ITGB4: variants seen among roughly 807,000 people sequenced by gnomAD.
ITGB4 encodes the protein integrin subunit beta 4, also known as integrin beta-4.
A neutral mutation model predicts 207.6 loss-of-function variants in ITGB4; 159 were observed. The ratio of observed to expected loss-of-function variants is 0.77; its 90% CI spans 0.67 to 0.87. ITGB4 has a LOEUF of 0.87. Among genes scored for constraint, ITGB4 ranks in the 40% least tolerant of loss-of-function variants. The pLI is 0.00. For missense variants in ITGB4, 2,278 were observed against 2,546.8 expected (o/e 0.89, Z 2.27); for synonymous variants, 1,020 against 1,062.7 (o/e 0.96, Z 0.78).
chr17:75,745,551 T>C (rs2061214404), intron 26 of ITGB4, among the ~76,000 whole-genome samples: 1 of 151,800 alleles, frequency 6.6e-6, no homozygotes, highest in Non-Finnish European at 1.5e-5. Flanking sequence ...TTGGGCAACA[T>C]AGTAAGACCC....
At chr17:75,733,733 G>A (rs1391046454) in intron 13 of ITGB4, 41 bp downstream of exon 13, 1 of 1,591,156 alleles carries the variant, frequency 6.3e-7, no homozygotes, top group Admixed American at 1.7e-5. Context: ...GGCGGGGTAG[G>A]GAGTGGACAG....
rs997827321 is a variant in ITGB4 at position 75,725,191 on chromosome 17, G to T, written c.79+409G>T. 3.5e-4 allele frequency among the ~76,000 whole-genome samples: 54 copies of T among 152,234 alleles called. 1 individual carries two copies. Among genetic ancestry groups the T allele is most frequent in the Admixed American group, 2.6e-4 (4 of 15,284 alleles). On this transcript the variant is annotated intron_variant, in intron 2 of 39. Coordinates refer to ENST00000200181, the MANE Select transcript of ITGB4 (RefSeq NM_000213.5). ...AGCCAGCTCCTACCACTTGAATTTT[G>T]TCTGTTAGAGGGGGTCCTGCTGGTG...
In ITGB4 at chr17:75,739,587, T is replaced by C; in HGVS notation, c.2221-85T>C. ...GAGGCACTGTCACCCCTCTTGACCA[T>C]TGGCATGGGGCGGGGTGGCTGGAAG... On this transcript the variant is annotated intron_variant, in intron 18 of 39. Transcript: ENST00000200181. This position sits in a 1 kb window ranked among gnomAD's most constrained non-coding sequence, Gnocchi z 5.4. The C allele has an allele frequency of 4.0e-6, 6 of 1,490,988 alleles. No homozygotes were observed. Among genetic ancestry groups the C allele is most frequent in the Non-Finnish European group, 4.7e-6 (5 of 1,069,778 alleles). The allele number at this position is 1,490,988 out of a possible 1,614,324, so 92.4% of individuals were successfully genotyped here.
Position 75,729,485 on chromosome 17 carries a change from C to G in ITGB4, c.738+49C>G, listed in dbSNP as rs761827608. 6.3e-7 allele frequency: 1 copy of G among 1,592,288 alleles called. No homozygotes were observed. Among genetic ancestry groups the G allele is most frequent in the African/African-American group, 1.3e-5 (1 of 74,494 alleles). On this transcript the variant is annotated intron_variant, in intron 7 of 39. Coordinates refer to ENST00000200181, the MANE Select transcript of ITGB4 (RefSeq NM_000213.5). The surrounding 1 kb of genome is among the most constrained non-coding windows in gnomAD (Gnocchi z 4.4). ...CAGCCTAGGCCAGGGGTGAGCACTT[C>G]TGGGCAAGGGCCTGAGCTGCCCCCT...
At chr17:75,756,393 A>C in intron 35 of ITGB4, 36 bp from the exon 36 acceptor site, 3 of 1,609,870 alleles carry the variant, frequency 1.9e-6, no homozygotes, top group Non-Finnish European at 2.5e-6. Context: ...TGGGAGTAAC[A>C]CTGCACTACT....
At position 75,729,446 on chromosome 17, in the gene ITGB4, G is replaced by T; in HGVS notation, c.738+10G>T. 1 of 1,613,290 alleles carries T rather than the reference G, an allele frequency of 6.2e-7. No individual in the cohort carries two copies. Among genetic ancestry groups the T allele is most frequent in the East Asian group, 2.2e-5 (1 of 44,856 alleles). On this transcript the variant is annotated intron_variant, in intron 7 of 39. Coordinates refer to ENST00000200181, the MANE Select transcript of ITGB4 (RefSeq NM_000213.5). This position sits in a 1 kb window ranked among gnomAD's most constrained non-coding sequence, Gnocchi z 4.4. ...GACAGCTGTGTGCACGGTGGGCACT[G>T]GGAAGGGTGCTGCCAGCCTAGGCCA... is the stretch of plus-strand genomic sequence containing the variant.
Position 75,756,430 on chromosome 17 carries a change from T to A in ITGB4, c.4710T>A (p.Gly1570=), listed in dbSNP as rs770320453. The change falls in exon 36 of 40, where the codon GGT becomes GGA. Residue 1570 remains glycine (G), a splice_region_variant and synonymous_variant. Transcript: ENST00000200181. The stretch of plus-strand genomic sequence containing the variant: ...TGTGCCCCCACCTGATCCCCCCAGG[T>A]GAGCTGCATCGGCTCAACATCCCCA... The part of the protein sequence containing the change: ...YSVEYQLLNG[G]ELHRLNIPNP... The A allele has an allele frequency of 2.5e-6, 4 of 1,612,928 alleles. No individual in the cohort carries two copies. In the South Asian group the frequency reaches 4.4e-5, roughly 18 times the overall value.
rs901357861 is a variant in ITGB4 at position 75,729,677 on chromosome 17, C to T, written c.738+241C>T. Reference sequence around the variant, plus strand: ...GGCCTGAGCAGTCACAGCCTGGTTTCGTATCAGCTACCAAGGCAGACCTGG... The same window carrying T: ...GGCCTGAGCAGTCACAGCCTGGTTTTGTATCAGCTACCAAGGCAGACCTGG... On this transcript the variant is annotated intron_variant, in intron 7 of 39. Coordinates refer to ENST00000200181, the MANE Select transcript of ITGB4 (RefSeq NM_000213.5). This position sits in a 1 kb window ranked among gnomAD's most constrained non-coding sequence, Gnocchi z 4.4. Among the ~76,000 whole-genome samples the T allele has an allele frequency of 1.3e-5, 2 of 152,228 alleles. No individual in the cohort carries two copies. Among genetic ancestry groups the T allele is most frequent in the Admixed American group, 6.5e-5 (1 of 15,286 alleles).
Position 75,755,960 on chromosome 17 carries a change from C to G in ITGB4, c.4708+110C>G, listed in dbSNP as rs377275059. 6.8e-6 allele frequency: 9 copies of G among 1,316,068 alleles called. No homozygotes were observed. The South Asian group carries it at 1.1e-4, about 17-fold the overall frequency. 81.5% of individuals were successfully genotyped at this position (1,316,068 alleles called of 1,614,324 possible). A position where few individuals can be genotyped will look rare whatever the true frequency, so the allele number is the denominator to read the frequency against. Reference sequence around the variant, plus strand: ...CAGGAACCCACCCAAGTCCCTTGAGCGCTAAAGCCCCCATCCAGCCTGAGA... The same window carrying G: ...CAGGAACCCACCCAAGTCCCTTGAGGGCTAAAGCCCCCATCCAGCCTGAGA... On this transcript the variant is annotated intron_variant, in intron 35 of 39. Transcript: ENST00000200181.
rs774079175 is a variant in ITGB4, at chr17:75,732,183, T to A, written c.1398T>A (p.Ala466=). Residue 466 remains alanine, a synonymous_variant, in exon 12 of 40, where the codon GCT becomes GCA. Coordinates refer to ENST00000200181, the MANE Select transcript of ITGB4 (RefSeq NM_000213.5). This position sits in a 1 kb window ranked among gnomAD's most constrained non-coding sequence, Gnocchi z 5.3. ...TCELQKEVRS[A]RCSFNGDFVC... Reference sequence around the variant, plus strand: ...TCCAGCAAAAAGAGGTGCGGTCAGCTCGCTGCAGCTTCAACGGAGACTTCG... The same window carrying A: ...TCCAGCAAAAAGAGGTGCGGTCAGCACGCTGCAGCTTCAACGGAGACTTCG... 1.2e-6 allele frequency: 2 copies of A among 1,614,040 alleles called. No individual in the cohort carries two copies. Among genetic ancestry groups the A allele is most frequent in the Non-Finnish European group, 1.7e-6 (2 of 1,180,034 alleles).
intron 30 of ITGB4, chr17:75,751,502 G>T: frequency 3.3e-6 from 1 of 300,536 alleles, no homozygotes; most frequent in Non-Finnish European, 6.5e-6. Context: ...AGATTATTTT[G>T]TACATTGAGA....
Position 75,756,821 on chromosome 17 carries a change from T to C in ITGB4, c.5015T>C (p.Val1672Ala), listed in dbSNP as rs1468350966. The C allele has an allele frequency of 4.3e-6, 7 of 1,612,376 alleles. No individual in the cohort carries two copies. The highest frequency in any genetic ancestry group is 1.7e-5 in the Admixed American group (1 of 60,018). ...ERPRRPNGDI[V>A]GYLVTCEMAQ... ...CCACGGAGGCCCAATGGGGATATCGTCGGCTACCTGGTGACCTGTGAGATG... is the reference window on the plus strand; with the variant it reads ...CCACGGAGGCCCAATGGGGATATCGCCGGCTACCTGGTGACCTGTGAGATG... Residue 1672 changes from valine (V) to alanine (A), a missense_variant, in exon 37 of 40, where the codon GTC becomes GCC. Physicochemically the swap from Val to Ala is moderately conservative, Grantham distance 64. Transcript: ENST00000200181.
chr17:75,754,673 C>G lies in ITGB4; in HGVS notation c.4416C>G (p.His1472Gln). Residue 1472 changes from histidine to glutamine, a missense_variant, in exon 34 of 40, where the codon CAC becomes CAG. By Grantham distance (24) the His-to-Gln change is conservative. Transcript: ENST00000200181. Reference sequence around the variant, plus strand: ...CCAGTGCTGCTGCCTATGGCACCCACCTGAGCCCACACGTGCCCCACCGCG... The same window carrying G: ...CCAGTGCTGCTGCCTATGGCACCCAGCTGAGCCCACACGTGCCCCACCGCG... ...TTTSAAAYGT[H>Q]LSPHVPHRVL... 3 of 1,614,128 alleles carry G rather than the reference C, an allele frequency of 1.9e-6. No individual in the cohort carries two copies. The highest frequency in any genetic ancestry group is 2.5e-6 in the Non-Finnish European group (3 of 1,180,014).
intron 8 of ITGB4, 109 bp from the exon 9 acceptor site, chr17:75,730,766 C>A: frequency 8.6e-7 from 1 of 1,158,754 alleles, no homozygotes; most frequent in Non-Finnish European, 1.3e-6. Flanking sequence ...TCTGCGACAC[C>A]ACAGTAGGTT....
Position 75,727,481 on chromosome 17 carries a change from G to T in ITGB4, c.240G>T (p.Met80Ile). Residue 80 changes from methionine (M) to isoleucine (I), a missense_variant, in exon 4 of 40, where the codon ATG (methionine) becomes ATT (isoleucine). Met to Ile is a conservative substitution (Grantham distance 10). Coordinates refer to ENST00000200181, the MANE Select transcript of ITGB4 (RefSeq NM_000213.5). This position sits in a 1 kb window ranked among gnomAD's most constrained non-coding sequence, Gnocchi z 6.0. Reference protein sequence around the residue: ...AGCQRESIVVMESSFQITEET... With the variant: ...AGCQRESIVVIESSFQITEET... ...GCCAGCGGGAGAGCATCGTGGTCAT[G>T]GAGAGCAGCTTCCAAATCACAGAGG... 1 of 1,613,920 alleles carries T rather than the reference G, an allele frequency of 6.2e-7. No individual in the cohort carries two copies. The highest frequency in any genetic ancestry group is 8.5e-7 in the Non-Finnish European group (1 of 1,180,020).
At position 75,757,221 on chromosome 17, in the gene ITGB4, G is replaced by A. The variant is rs1366162543; in HGVS notation, c.5240G>A (p.Ser1747Asn). The A allele has an allele frequency of 6.2e-7, 1 of 1,611,686 alleles. No individual in the cohort carries two copies. Among genetic ancestry groups the A allele is most frequent in the South Asian group, 1.1e-5 (1 of 91,066 alleles). The part of the protein sequence containing the change: ...QDGGPFPQLG[S>N]RAGLFQHPLQ... The stretch of plus-strand genomic sequence containing the variant: ...CCAGGACCCTTCCCGCAGCTGGGCA[G>A]CCGTGCCGGGCTCTTCCAGCACCCG... Residue 1747 changes from serine to asparagine, a missense_variant, in exon 39 of 40, where the codon AGC becomes AAC. Ser to Asn is a conservative substitution (Grantham distance 46, BLOSUM62 1). Transcript: ENST00000200181.
rs1599224854 is a variant in ITGB4 at position 75,729,389 on chromosome 17, G to A, written c.691G>A (p.Ala231Thr). 6.2e-7 allele frequency: 1 copy of A among 1,614,190 alleles called. No individual in the cohort carries two copies. The highest frequency in any genetic ancestry group is 1.7e-5 in the Admixed American group (1 of 60,026). Reference protein sequence around the residue: ...QGERISGNLDAPEGGFDAILQ... With the variant: ...QGERISGNLDTPEGGFDAILQ... Reference sequence around the variant, plus strand: ...AGAGCGGATCTCAGGCAACCTGGATGCTCCTGAGGGCGGCTTCGATGCCAT... The same window carrying A: ...AGAGCGGATCTCAGGCAACCTGGATACTCCTGAGGGCGGCTTCGATGCCAT... Residue 231 changes from alanine (A) to threonine (T), a missense_variant, in exon 7 of 40, where the codon GCT (alanine) becomes ACT (threonine). Physicochemically the swap from Ala to Thr is moderately conservative, Grantham distance 58 (BLOSUM62 0). Transcript: ENST00000200181. The surrounding 1 kb of genome is among the most constrained non-coding windows in gnomAD (Gnocchi z 4.4).
Position 75,750,073 on chromosome 17 carries a change from G to GA in ITGB4, c.3317-37dup. On this transcript the variant is annotated intron_variant, in intron 27 of 39. Coordinates refer to ENST00000200181, the MANE Select transcript of ITGB4 (RefSeq NM_000213.5). This position sits in a 1 kb window ranked among gnomAD's most constrained non-coding sequence, Gnocchi z 5.5. ...CTGGCGCCCCCTGGTGGTGAAGGGG[G>GA]ATCTGAGTGGTTGCCCGGCCCCAAC... 3 of 1,613,088 alleles carry GA rather than the reference G, an allele frequency of 1.9e-6. No individual in the cohort carries two copies. Among genetic ancestry groups the GA allele is most frequent in the African/African-American group, 1.3e-5 (1 of 75,010 alleles).
rs536280262 is a variant in ITGB4 at position 75,756,988 on chromosome 17, G to A, written c.5099G>A (p.Arg1700Gln). 35 of 1,612,830 alleles carry A rather than the reference G, an allele frequency of 2.2e-5. No individual in the cohort carries two copies. The highest frequency in any genetic ancestry group is 1.7e-4 in the Middle Eastern group (1 of 6,060). ...FRVDGDSPES[R>Q]LTVPGLSENV... Reference sequence around the variant, plus strand: ...GTGGATGGAGACAGCCCCGAGAGCCGGCTGACCGTGCCGGGCCTCAGCGAG... The same window carrying A: ...GTGGATGGAGACAGCCCCGAGAGCCAGCTGACCGTGCCGGGCCTCAGCGAG... Residue 1700 changes from arginine to glutamine, a missense_variant, in exon 38 of 40, where the codon CGG becomes CAG. Arg to Gln is a conservative substitution (Grantham distance 43). Transcript: ENST00000200181.
Sources: allele counts gnomAD v4.1 joint callset (sites outside exome capture counted in the v4.1 genomes callset), GRCh38; gene constraint gnomAD v4.1.1; non-coding constraint Gnocchi (gnomAD v3.1); transcripts MANE v1.5; gene names NCBI Gene and HGNC (gene_info 2026-07-23, HGNC 2026-07-21).